WFDC9: variants seen among roughly 807,000 people sequenced by gnomAD.
The protein encoded by WFDC9 is WAP four-disulfide core domain 9.
Under a neutral mutation model 9.5 loss-of-function variants are expected in WFDC9, and 9 were observed. The observed-to-expected ratio is 0.95, with a 90% CI of 0.57 to 1.65. WFDC9 has a LOEUF of 1.65. WFDC9 is among the 40% of genes most tolerant of loss of function. WFDC9 has a pLI of 0.00. For missense variants in WFDC9, 87 were observed against 106.7 expected (o/e 0.82, Z 0.81); for synonymous variants, 33 against 32.3 (o/e 1.02, Z -0.07).
intron 2 of WFDC9, among the ~76,000 whole-genome samples, chr20:45,613,028 A>G (rs16990454): frequency 0.05 from 7,685 of 152,276 alleles, 265 homozygotes; most frequent in African/African-American, 0.092. Flanking sequence ...CAATGAAGCA[A>G]AAGAGATTTC....
intron 4 of WFDC9, among the ~76,000 whole-genome samples, 174 bp downstream of exon 4, chr20:45,608,489 T>G (rs1305160182): frequency 2.0e-5 from 3 of 152,134 alleles, no homozygotes; most frequent in Admixed American, 6.5e-5. Context: ...CTCATGTTGG[T>G]GTCTTGGTTT....
chr20:45,622,660 C>A, intron 1 of WFDC9, among the ~76,000 whole-genome samples: 1 of 152,170 alleles, frequency 6.6e-6, no homozygotes, highest in South Asian at 2.1e-4. Flanking sequence ...TGTACATTTT[C>A]TCTAAAGAAA....
intron 1 of WFDC9, among the ~76,000 whole-genome samples, chr20:45,621,809 ACCTGATTTCTTCTGGACTTTGCC>A: frequency 6.6e-6 from 1 of 152,286 alleles, no homozygotes. Context: ...GGAAGCATGC[ACCTGATTTCTTCTGGACTTTGCC>A]CCTTGCACCT....
In WFDC9 at chr20:45,630,175, C is replaced by T. The variant is rs138852939; in HGVS notation, c.-153+1028G>A. On this transcript the variant is annotated intron_variant, in intron 1 of 4. Transcript: ENST00000326000. ...AAATGGCACATCCCATAGTGAAAGG[C>T]GCACCAGGGCTGAGAATCCAGTGGG... Among the ~76,000 whole-genome samples, 17 of 152,256 alleles carry T rather than the reference C, an allele frequency of 1.1e-4. No individual in the cohort carries two copies. The South Asian group carries it at 1.5e-3, about 13-fold the overall frequency.
At chr20:45,630,481 G>A (rs143780953) in intron 1 of WFDC9, among the ~76,000 whole-genome samples, 14 of 152,262 alleles carry the variant, frequency 9.2e-5, no homozygotes, top group African/African-American at 2.4e-4. Context: ...CCTCATCTCT[G>A]AATTCTACTA....
At chr20:45,626,412 C>T (rs1843817) in intron 1 of WFDC9, among the ~76,000 whole-genome samples, 88,910 of 152,018 alleles carry the variant, frequency 0.58, 27,015 homozygotes, top group East Asian at 0.98. Context: ...ATATTAACTC[C>T]TTCCATCCAT....
intron 1 of WFDC9, among the ~76,000 whole-genome samples, chr20:45,629,062 C>T (rs1159447938): frequency 6.6e-6 from 1 of 152,166 alleles, no homozygotes; most frequent in African/African-American, 2.4e-5. Context: ...TCCACTAGCC[C>T]TTCTGTCCCA....
intron 1 of WFDC9, among the ~76,000 whole-genome samples, chr20:45,618,583 A>C (rs1056914246): frequency 1.3e-5 from 2 of 152,168 alleles, no homozygotes; most frequent in African/African-American, 4.8e-5. Context: ...GCCCAATTTC[A>C]ATATTGTTGT....
In WFDC9 at chr20:45,631,195, G is replaced by T; in HGVS notation, c.-153+8C>A. The T allele has an allele frequency of 1.7e-6, 1 of 604,232 alleles. No homozygotes were observed. Among genetic ancestry groups the T allele is most frequent in the Non-Finnish European group, 2.5e-6 (1 of 401,336 alleles). 37.4% of individuals were successfully genotyped at this position (604,232 alleles called of 1,614,324 possible). A position where few individuals can be genotyped will look rare whatever the true frequency, so the allele number is the denominator to read the frequency against. On this transcript the variant is annotated splice_region_variant and intron_variant, in intron 1 of 4. Transcript: ENST00000326000. Reference sequence around the variant, plus strand: ...AAATAAACCAGAACAAATGCCCAGGGATCCTACCTCTTTTGCTGCCACTAC... The same window carrying T: ...AAATAAACCAGAACAAATGCCCAGGTATCCTACCTCTTTTGCTGCCACTAC...
rs529092443 is a variant in WFDC9, at chr20:45,613,352, C to T, written c.-59+1276G>A. ...AGATGAATCCACCAAAATGACTCTGCTCAAAAGCAGAGGTAATACTAGAAA... is the reference window on the plus strand; with the variant it reads ...AGATGAATCCACCAAAATGACTCTGTTCAAAAGCAGAGGTAATACTAGAAA... On this transcript the variant is annotated intron_variant, in intron 2 of 4. Transcript: ENST00000326000. Among the ~76,000 whole-genome samples, 6 of 152,286 alleles carry T rather than the reference C, an allele frequency of 3.9e-5. No individual in the cohort carries two copies. The South Asian group carries it at 8.3e-4, about 21-fold the overall frequency.
At chr20:45,614,013 A>AT (rs2145596454) in intron 2 of WFDC9, among the ~76,000 whole-genome samples, 1 of 152,306 alleles carries the variant, frequency 6.6e-6, no homozygotes, top group African/African-American at 2.4e-5. Flanking sequence ...AATCCAAAGC[A>AT]TTGGATTCCA....
At chr20:45,613,327 A>G (rs1305080185) in intron 2 of WFDC9, among the ~76,000 whole-genome samples, 4 of 152,230 alleles carry the variant, frequency 2.6e-5, no homozygotes, top group Non-Finnish European at 5.9e-5. Flanking sequence ...ATGCTGCTCT[A>G]GATGAATCCA....
chr20:45,625,396 C>T (rs1480590830), intron 1 of WFDC9, among the ~76,000 whole-genome samples: 1 of 152,198 alleles, frequency 6.6e-6, no homozygotes. Flanking sequence ...TATTTTCTCT[C>T]ATTCTGTAGA....
chr20:45,621,456 T>C (rs913759255), intron 1 of WFDC9, among the ~76,000 whole-genome samples: 3 of 152,244 alleles, frequency 2.0e-5, no homozygotes, highest in African/African-American at 7.2e-5. Flanking sequence ...TCTTTAAAAG[T>C]CCTGCTTACA....
intron 1 of WFDC9, among the ~76,000 whole-genome samples, chr20:45,615,388 G>T (rs886145483): frequency 2.6e-5 from 4 of 152,162 alleles, no homozygotes; most frequent in Non-Finnish European, 5.9e-5. Flanking sequence ...AGGAGGCAGG[G>T]ACTTCCAAGG....
rs1981789705 is a variant in WFDC9, at chr20:45,608,820, A to G, written c.92-10T>C. ...CTTATCATATCTAGAACTGAGATGG[A>G]AGAAGTTAGCAGGGTCCGTCTATTC... On this transcript the variant is annotated splice_polypyrimidine_tract_variant and intron_variant, in intron 3 of 4. Transcript: ENST00000326000. The G allele has an allele frequency of 1.4e-5, 22 of 1,598,700 alleles. No individual in the cohort carries two copies. The highest frequency in any genetic ancestry group is 1.9e-5 in the Non-Finnish European group (22 of 1,176,728).
chr20:45,610,265 G>A (rs1981831386), intron 2 of WFDC9, 26 bp from the exon 3 acceptor site: 1 of 1,209,188 alleles, frequency 8.3e-7, no homozygotes, highest in South Asian at 1.3e-5. Flanking sequence ...AATGGATTGA[G>A]GAGAACAGGG....
At position 45,610,218 on chromosome 20, in the gene WFDC9, G is replaced by A; in HGVS notation, c.-37C>T. 1 of 1,585,122 alleles carries A rather than the reference G, an allele frequency of 6.3e-7. No individual in the cohort carries two copies. The highest frequency in any genetic ancestry group is 8.7e-7 in the Non-Finnish European group (1 of 1,155,372). On this transcript the variant is annotated 5_prime_UTR_variant, in exon 3 of 5. Transcript: ENST00000326000. ...TGTGTATTTGGGTTAAGTTCTGGCA[G>A]AAGGCAAGTCTTTTCCCAATACTGC...
Position 45,608,138 on chromosome 20 carries a change from T to C in WFDC9, c.242A>G (p.Glu81Gly). The C allele has an allele frequency of 1.2e-6, 2 of 1,610,834 alleles. No homozygotes were observed. The highest frequency in any genetic ancestry group is 8.5e-7 in the Non-Finnish European group (1 of 1,179,140). Residue 81 changes from glutamate (E) to glycine (G), a missense_variant and splice_region_variant, in exon 5 of 5, where the codon GAG becomes GGG. Glu to Gly is a moderately conservative substitution (Grantham distance 98). Coordinates refer to ENST00000326000, the MANE Select transcript of WFDC9 (RefSeq NM_147198.4). ...GGGGTTTAGCATTGATTTAAGGGGC[T>C]CTCTAGAAGAGAAAAGTTAGTCAAA... Reference protein sequence around the residue: ...YCGNICLDNEEPLKSMLNP With the variant: ...YCGNICLDNEGPLKSMLNP
Sources: gnomAD v4.1 joint callset for allele counts (sites outside exome capture counted in the v4.1 genomes callset) on GRCh38, gnomAD v4.1.1 for gene constraint, MANE v1.5 for transcripts, NCBI Gene and HGNC (gene_info 2026-07-23, HGNC 2026-07-21) for gene names.